Variants in PCDH7 observed in about 807,000 individuals in gnomAD.
PCDH7 encodes protocadherin 7.
PCDH7 carries 17 observed loss-of-function variants against 58.9 expected under a neutral mutation model. The ratio of observed to expected loss-of-function variants is 0.29; its 90% CI spans 0.20 to 0.43. The LOEUF is 0.43. Ranked by LOEUF, PCDH7 falls within the 20% of genes least tolerant of loss-of-function variation. The pLI, the probability that PCDH7 is intolerant of heterozygous loss-of-function variation, is 1.00. For missense variants in PCDH7, 1,274 were observed against 1,441.0 expected (o/e 0.88, Z 1.88); for synonymous variants, 664 against 616.4 (o/e 1.08, Z -1.14).
intron 2 of PCDH7, among the ~76,000 whole-genome samples, chr4:30,946,048 T>C (rs12512667): frequency 0.51 from 77,320 of 152,040 alleles, 20,266 homozygotes; most frequent in African/African-American, 0.65. Flanking sequence ...TATCTATGGT[T>C]GCAGAAGCCC....
intron 1 of PCDH7, among the ~76,000 whole-genome samples, chr4:30,849,905 T>G (rs2109345392): frequency 6.6e-6 from 1 of 152,256 alleles, no homozygotes; most frequent in Middle Eastern, 3.4e-3. Flanking sequence ...CGGGTCAAAA[T>G]TCTTCTCTTG....
chr4:30,893,178 TC>T lies in PCDH7; in HGVS notation c.71-26974del, dbSNP rs1738842019. On this transcript the variant is annotated intron_variant, in intron 1 of 3. Transcript: ENST00000509759. ...CTATATTATCTCAAAATTGGAAGCA[TC>T]AAAAACAAATTAGCTATTTTCCATG... Among the ~76,000 whole-genome samples the T allele has an allele frequency of 4.6e-5, 7 of 152,110 alleles. No homozygotes were observed. The South Asian group carries it at 1.4e-3, about 31-fold the overall frequency.
intron 1 of PCDH7, among the ~76,000 whole-genome samples, chr4:30,742,087 A>T (rs1038670839): frequency 3.3e-5 from 5 of 152,202 alleles, no homozygotes; most frequent in African/African-American, 1.2e-4. Flanking sequence ...TCAGTAAAAA[A>T]TAGTGTAAAC....
In PCDH7 at chr4:30,771,746, G is replaced by T. The variant is rs142460754; in HGVS notation, c.70+47150G>T. On this transcript the variant is annotated intron_variant, in intron 1 of 3. Coordinates refer to the PCDH7 transcript ENST00000509759. ...CATAAATAAATAGGAAATTATCCTCGGTTATTAACTGTGAATGCCTTTTTA... is the reference window on the plus strand; with the variant it reads ...CATAAATAAATAGGAAATTATCCTCTGTTATTAACTGTGAATGCCTTTTTA... Among the ~76,000 whole-genome samples, 698 of 151,902 alleles carry T rather than the reference G, an allele frequency of 4.6e-3. 5 individuals carry two copies. Among genetic ancestry groups the T allele is most frequent in the African/African-American group, 0.016 (661 of 41,410 alleles).
chr4:30,760,655 T>C (rs754069337), intron 1 of PCDH7, among the ~76,000 whole-genome samples: 2 of 152,144 alleles, frequency 1.3e-5, no homozygotes, highest in Non-Finnish European at 2.9e-5. Context: ...GAAGGAACTC[T>C]TCAAGGGGAA....
chr4:30,858,222 C>A (rs565800206), intron 1 of PCDH7, among the ~76,000 whole-genome samples: 1 of 152,040 alleles, frequency 6.6e-6, no homozygotes, highest in Non-Finnish European at 1.5e-5. Context: ...TTCTGATATA[C>A]GTTGAAAAAG....
downstream of PCDH7, chr4:31,143,540 A>G (rs1720480202): frequency 6.6e-6 from 1 of 152,214 alleles, no homozygotes; most frequent in Non-Finnish European, 1.5e-5. Flanking sequence ...CATCAACTTC[A>G]ATTCCATACA....
At chr4:30,979,551 C>T (rs567872897) in intron 3 of PCDH7, among the ~76,000 whole-genome samples, 7 of 151,852 alleles carry the variant, frequency 4.6e-5, no homozygotes, top group South Asian at 2.1e-4. Flanking sequence ...TAATAGAGAA[C>T]GTATTTTCTT....
At chr4:30,762,786 A>G (rs1424442736) in intron 1 of PCDH7, among the ~76,000 whole-genome samples, 1 of 152,206 alleles carries the variant, frequency 6.6e-6, no homozygotes, top group Non-Finnish European at 1.5e-5. Flanking sequence ...TAAAGCAAAC[A>G]CAAAATCAAA....
chr4:30,896,943 C>T (rs1739496063), intron 1 of PCDH7, among the ~76,000 whole-genome samples: 1 of 101,870 alleles, frequency 9.8e-6, no homozygotes, highest in Admixed American at 1.6e-4. Context: ...CTTGCTCTGT[C>T]ACCCAGGCTG....
chr4:30,907,592 AG>A (rs1741130772), intron 1 of PCDH7, among the ~76,000 whole-genome samples: 2 of 152,320 alleles, frequency 1.3e-5, no homozygotes, highest in Middle Eastern at 3.4e-3. Context: ...TTAAAAAGTC[AG>A]GAAACAACAG....
chr4:31,110,571 A>G (rs1217205088), intron 3 of PCDH7, among the ~76,000 whole-genome samples: 3 of 152,168 alleles, frequency 2.0e-5, no homozygotes, highest in East Asian at 3.9e-4. Flanking sequence ...GAAACTCATT[A>G]TTTTGACCAA....
chr4:31,019,158 AG>A (rs1282051359), intron 3 of PCDH7, among the ~76,000 whole-genome samples: 1 of 152,154 alleles, frequency 6.6e-6, no homozygotes. Flanking sequence ...ACACCATTGT[AG>A]GTAACTGCAA....
chr4:30,915,955 T>A (rs1201015583), intron 1 of PCDH7, among the ~76,000 whole-genome samples: 1 of 152,210 alleles, frequency 6.6e-6, no homozygotes, highest in Non-Finnish European at 1.5e-5. Flanking sequence ...TTGCACTGCC[T>A]GTCCTAAATT....
chr4:30,904,492 A>AT (rs558737720), intron 1 of PCDH7, among the ~76,000 whole-genome samples: 1 of 152,132 alleles, frequency 6.6e-6, no homozygotes, highest in Non-Finnish European at 1.5e-5. Context: ...CAATTTACCC[A>AT]TTTTAAAGTC....
At chr4:30,919,354 A>C (rs977457146) in intron 1 of PCDH7, among the ~76,000 whole-genome samples, 2 of 152,142 alleles carry the variant, frequency 1.3e-5, no homozygotes, top group Non-Finnish European at 2.9e-5. Flanking sequence ...TCCATAGTAA[A>C]TCTTCAGTCC....
intron 3 of PCDH7, among the ~76,000 whole-genome samples, chr4:31,123,874 A>G (rs946351966): frequency 6.6e-6 from 1 of 152,048 alleles, no homozygotes; most frequent in Non-Finnish European, 1.5e-5. Context: ...CTCCTCTCCA[A>G]CCGTCCCCAG....
intron 3 of PCDH7, among the ~76,000 whole-genome samples, chr4:31,091,182 G>C (rs1650380005): frequency 6.6e-6 from 1 of 151,752 alleles, no homozygotes; most frequent in Non-Finnish European, 1.5e-5. Context: ...ACCCACCATG[G>C]GAAATAATGA....
At chr4:30,937,779 T>C (rs1745533289) in intron 2 of PCDH7, among the ~76,000 whole-genome samples, 1 of 152,092 alleles carries the variant, frequency 6.6e-6, no homozygotes, top group Admixed American at 6.6e-5. Flanking sequence ...TTTCCTATTC[T>C]AATATAAGGG....
Sources: gnomAD v4.1 joint callset for allele counts (sites outside exome capture counted in the v4.1 genomes callset) on GRCh38, gnomAD v4.1.1 for gene constraint, MANE v1.5 for transcripts, NCBI Gene and HGNC (gene_info 2026-07-23, HGNC 2026-07-21) for gene names.